The following TTC28 variants were observed in gnomAD, a reference collection of about 807,000 sequenced individuals.
TTC28 encodes the protein tetratricopeptide repeat protein 28.
TTC28 carries 61 observed loss-of-function variants against 198.0 expected under a neutral mutation model. That is an observed-to-expected ratio of 0.31 (90% confidence interval 0.25 to 0.38). The LOEUF (loss-of-function observed/expected upper bound fraction) is 0.38. Among genes scored for constraint, TTC28 ranks in the 10% least tolerant of loss-of-function variants. The probability of loss-of-function intolerance (pLI) is 1.00; values close to 1 mark genes in which losing one functional copy is unlikely to be tolerated. For missense variants in TTC28, 2,678 were observed against 3,164.0 expected (o/e 0.85, Z 3.69); for synonymous variants, 1,171 against 1,297.8 (o/e 0.90, Z 2.10).
chr22:28,146,625 T>C (rs1238914730), intron 6 of TTC28, among the ~76,000 whole-genome samples: 3 of 152,174 alleles, frequency 2.0e-5, no homozygotes, highest in Non-Finnish European at 1.5e-5. Flanking sequence ...ACAGAGCATA[T>C]CATATCTCCC....
At chr22:28,027,475 G>A (rs971969505) in intron 13 of TTC28, among the ~76,000 whole-genome samples, 4 of 152,200 alleles carry the variant, frequency 2.6e-5, no homozygotes, top group Admixed American at 6.5e-5. Flanking sequence ...CACTTGACTC[G>A]CATTAGCTAC....
intron 5 of TTC28, among the ~76,000 whole-genome samples, chr22:28,284,302 T>C (rs2145744003): frequency 6.6e-6 from 1 of 152,244 alleles, no homozygotes; most frequent in South Asian, 2.1e-4. Flanking sequence ...AAGAACACCA[T>C]TACAAACAAA....
At chr22:28,581,211 C>A (rs751633594) in intron 2 of TTC28, among the ~76,000 whole-genome samples, 7 of 152,112 alleles carry the variant, frequency 4.6e-5, no homozygotes, top group Non-Finnish European at 1.0e-4. Flanking sequence ...TTCCCCTTCA[C>A]TCTCTCTTCC....
At chr22:28,214,398 T>C (rs1160525989) in intron 5 of TTC28, among the ~76,000 whole-genome samples, 2 of 152,172 alleles carry the variant, frequency 1.3e-5, no homozygotes, top group African/African-American at 4.8e-5. Context: ...AAAGGGCGAA[T>C]ATCCAGAATC....
intron 2 of TTC28, among the ~76,000 whole-genome samples, chr22:28,404,976 T>C (rs1363435080): frequency 6.9e-6 from 1 of 145,396 alleles, no homozygotes; most frequent in Non-Finnish European, 1.6e-5. Flanking sequence ...TGGTTCACTA[T>C]TTAATAGTGT....
intron 5 of TTC28, among the ~76,000 whole-genome samples, chr22:28,171,621 G>T (rs1408945298): frequency 1.4e-5 from 1 of 71,650 alleles, no homozygotes; most frequent in Non-Finnish European, 2.8e-5. Flanking sequence ...TGGCATATTT[G>T]CAAAAAAAAA....
intron 5 of TTC28, among the ~76,000 whole-genome samples, chr22:28,164,321 G>T (rs1372134264): frequency 6.6e-6 from 1 of 152,206 alleles, no homozygotes; most frequent in Non-Finnish European, 1.5e-5. Context: ...CGCAACCTGA[G>T]ATCTGAGAAT....
At chr22:28,296,350 A>T in intron 4 of TTC28, 22 bp from the exon 5 acceptor site, 1 of 1,492,582 alleles carries the variant, frequency 6.7e-7, no homozygotes. Flanking sequence ...TGAGAAAAAA[A>T]AAAAGAAAAA....
At chr22:28,389,106 G>GT (rs1296719975) in intron 2 of TTC28, among the ~76,000 whole-genome samples, 1 of 152,096 alleles carries the variant, frequency 6.6e-6, no homozygotes, top group Non-Finnish European at 1.5e-5. Context: ...TAATCATGTG[G>GT]TTTTTGTCTT....
chr22:28,657,598 G>T lies in TTC28; in HGVS notation c.102+22024C>A, dbSNP rs550233387. On this transcript the variant is annotated intron_variant, in intron 1 of 22. Coordinates refer to ENST00000397906, the MANE Select transcript of TTC28 (RefSeq NM_001145418.2). ...TTATTTTCTAAATTATTATTTCTGG[G>T]CTGGGCGTGGTGGCTCACGCCTATA... Among the ~76,000 whole-genome samples the T allele has an allele frequency of 4.6e-5, 7 of 152,328 alleles. No homozygotes were observed. In the East Asian group the frequency reaches 1.2e-3, roughly 25 times the overall value.
intron 2 of TTC28, among the ~76,000 whole-genome samples, chr22:28,626,309 T>C (rs2051075968): frequency 6.6e-6 from 1 of 152,088 alleles, no homozygotes; most frequent in Non-Finnish European, 1.5e-5. Flanking sequence ...AACAGACATG[T>C]ATAAAAAATT....
chr22:28,199,946 A>G (rs1360424585), intron 5 of TTC28, among the ~76,000 whole-genome samples: 1 of 152,182 alleles, frequency 6.6e-6, no homozygotes, highest in Non-Finnish European at 1.5e-5. Flanking sequence ...TTAAAATGTC[A>G]TAAGTAAAAT....
chr22:28,656,420 C>T (rs1309823405), intron 1 of TTC28, among the ~76,000 whole-genome samples: 1 of 152,180 alleles, frequency 6.6e-6, no homozygotes, highest in African/African-American at 2.4e-5. Context: ...AATCCCTCTG[C>T]CTCTTCTAGA....
intron 2 of TTC28, among the ~76,000 whole-genome samples, chr22:28,308,099 A>G (rs2045181734): frequency 6.6e-6 from 1 of 152,192 alleles, no homozygotes; most frequent in Admixed American, 6.5e-5. Flanking sequence ...TGAGGCTTCT[A>G]TTAAAGTACC....
intron 5 of TTC28, among the ~76,000 whole-genome samples, chr22:28,211,897 C>A (rs1303291392): frequency 1.3e-5 from 2 of 152,114 alleles, no homozygotes; most frequent in African/African-American, 4.8e-5. Context: ...CACTCCTCAG[C>A]AAATGTAAAG....
chr22:28,329,731 C>T (rs1324121392), intron 2 of TTC28, among the ~76,000 whole-genome samples: 3 of 152,020 alleles, frequency 2.0e-5, no homozygotes, highest in Non-Finnish European at 4.4e-5. Flanking sequence ...ACCAAATGGA[C>T]CAATCTGGGC....
chr22:28,269,665 T>C (rs1931922232), intron 5 of TTC28, among the ~76,000 whole-genome samples: 1 of 152,160 alleles, frequency 6.6e-6, no homozygotes, highest in Non-Finnish European at 1.5e-5. Flanking sequence ...AAAAAAAGTT[T>C]GGAAAATTAG....
intron 12 of TTC28, among the ~76,000 whole-genome samples, chr22:28,068,446 TA>T (rs1347960108): frequency 6.6e-6 from 1 of 152,264 alleles, no homozygotes; most frequent in Non-Finnish European, 1.5e-5. Context: ...TAACAGGTGA[TA>T]TTTTTATTGT....
At chr22:28,030,418 A>G in intron 12 of TTC28, 52 bp from the exon 13 acceptor site, 1 of 1,545,512 alleles carries the variant, frequency 6.5e-7, no homozygotes, top group East Asian at 2.4e-5. Context: ...GCGCTGAGCT[A>G]TGGAAGTCAG....
Sources: allele counts gnomAD v4.1 joint callset (sites outside exome capture counted in the v4.1 genomes callset), GRCh38; gene constraint gnomAD v4.1.1; transcripts MANE v1.5; gene names NCBI Gene and HGNC (gene_info 2026-07-23, HGNC 2026-07-21).